Variants in KIRREL1 observed in about 807,000 individuals in gnomAD.
KIRREL1 encodes the protein kin of IRRE-like protein 1.
In KIRREL1, 25 loss-of-function variants were observed where a neutral mutation model predicts 83.3. The observed-to-expected ratio is 0.30, with a 90% CI of 0.22 to 0.42. KIRREL1 has a LOEUF of 0.42. Among genes scored for constraint, KIRREL1 ranks in the 10% least tolerant of loss-of-function variants. The probability of loss-of-function intolerance (pLI) is 1.00; values close to 1 mark genes in which losing one functional copy is unlikely to be tolerated. For synonymous variants in KIRREL1, 388 were observed against 410.4 expected, an observed-to-expected ratio of 0.95 and a Z score of 0.66; for missense variants, 812 against 1,032.3, an observed-to-expected ratio of 0.79 and a Z score of 2.92.
chr1:158,056,332 G>T (rs1362429700), intron 1 of KIRREL1, among the ~76,000 whole-genome samples: 1 of 152,154 alleles, frequency 6.6e-6, no homozygotes, highest in Non-Finnish European at 1.5e-5. Flanking sequence ...GTCTCCCAAG[G>T]ACTTGCCTTT....
intron 1 of KIRREL1, among the ~76,000 whole-genome samples, chr1:157,996,442 G>C (rs1030696973): frequency 6.6e-6 from 1 of 152,048 alleles, no homozygotes; most frequent in African/African-American, 2.4e-5. Flanking sequence ...GCTCGGGGAG[G>C]GAGCTGCCTC....
chr1:158,067,536 G>A (rs755981257), intron 1 of KIRREL1, among the ~76,000 whole-genome samples: 1 of 152,216 alleles, frequency 6.6e-6, no homozygotes, highest in Non-Finnish European at 1.5e-5. Flanking sequence ...TGCAGTCTGA[G>A]GACATTAGAG....
At chr1:158,052,824 T>G (rs4971187) in intron 1 of KIRREL1, among the ~76,000 whole-genome samples, 90,466 of 151,880 alleles carry the variant, frequency 0.6, 29,056 homozygotes, top group East Asian at 0.84. Context: ...CTCACGGTTC[T>G]GCAGGCACCA....
At position 158,094,927 on chromosome 1, in the gene KIRREL1, C is replaced by A. The variant is rs752760321; in HGVS notation, c.2081C>A (p.Pro694His). 6.2e-7 allele frequency: 1 copy of A among 1,614,086 alleles called. No homozygotes were observed. The highest frequency in any genetic ancestry group is 8.5e-7 in the Non-Finnish European group (1 of 1,179,996). Residue 694 changes from proline (P) to histidine (H), a missense_variant, in exon 15 of 15, where the codon CCC becomes CAC. This residue lies in a region of KIRREL1 where 334 missense variants were observed against 383.7 expected (regional missense o/e 0.87). Coordinates refer to ENST00000359209, the MANE Select transcript of KIRREL1 (RefSeq NM_018240.7). This position sits in a 1 kb window ranked among gnomAD's most constrained non-coding sequence, Gnocchi z 4.6. ...AACTATGAGAAGTTCAACTCCCATCCCTTCCCTGGGGCAGCTGGGTACCCC... is the reference window on the plus strand; with the variant it reads ...AACTATGAGAAGTTCAACTCCCATCACTTCCCTGGGGCAGCTGGGTACCCC... ...YENYEKFNSH[P>H]FPGAAGYPTY... is the part of the protein sequence containing the mutation.
intron 1 of KIRREL1, among the ~76,000 whole-genome samples, chr1:158,044,499 CTTGT>C (rs766950752): frequency 2.6e-5 from 4 of 151,778 alleles, no homozygotes; most frequent in African/African-American, 7.3e-5. Flanking sequence ...TGTTTGTTTG[CTTGT>C]TTGTTTGTTT....
chr1:157,997,962 A>G (rs1571522531), intron 1 of KIRREL1, among the ~76,000 whole-genome samples: 1 of 151,830 alleles, frequency 6.6e-6, no homozygotes, highest in African/African-American at 2.4e-5. Flanking sequence ...GCTCACTGCA[A>G]CCTCCTCCTA....
chr1:158,069,997 G>T (rs535834100), intron 1 of KIRREL1, among the ~76,000 whole-genome samples: 1 of 152,170 alleles, frequency 6.6e-6, no homozygotes, highest in Admixed American at 6.5e-5. Context: ...GTTGACAGTC[G>T]TTCCAGCCTT....
At chr1:158,007,687 C>A (rs1443135908) in intron 1 of KIRREL1, among the ~76,000 whole-genome samples, 5 of 151,942 alleles carry the variant, frequency 3.3e-5, no homozygotes, top group Non-Finnish European at 7.4e-5. Context: ...AGCTTGGAGC[C>A]TGCTTGTGGG....
intron 1 of KIRREL1, among the ~76,000 whole-genome samples, chr1:157,996,090 G>A (rs1451926673): frequency 6.6e-6 from 1 of 151,266 alleles, no homozygotes; most frequent in African/African-American, 2.4e-5. Context: ...GAATAGGGAT[G>A]GGGGAGTAGG....
chr1:158,004,133 C>T (rs1659449220), intron 1 of KIRREL1, among the ~76,000 whole-genome samples: 1 of 152,150 alleles, frequency 6.6e-6, no homozygotes, highest in Non-Finnish European at 1.5e-5. Context: ...TCAGTTTTCT[C>T]ATCTATAAAA....
intron 1 of KIRREL1, among the ~76,000 whole-genome samples, chr1:158,050,547 A>T (rs192035708): frequency 6.6e-6 from 1 of 152,212 alleles, no homozygotes; most frequent in African/African-American, 2.4e-5. Flanking sequence ...GGATGGGGGA[A>T]TTAGAATGTG....
chr1:158,067,750 T>A (rs2101613985), intron 1 of KIRREL1, among the ~76,000 whole-genome samples: 1 of 152,340 alleles, frequency 6.6e-6, no homozygotes, highest in South Asian at 2.1e-4. Context: ...CTGATCCCGC[T>A]TGCATTTTTC....
At chr1:158,060,129 G>A (rs574718860) in intron 1 of KIRREL1, among the ~76,000 whole-genome samples, 4 of 152,240 alleles carry the variant, frequency 2.6e-5, no homozygotes, top group Admixed American at 2.0e-4. Context: ...TAATGACAGC[G>A]ACCATCTGCC....
intron 1 of KIRREL1, among the ~76,000 whole-genome samples, chr1:158,049,632 A>T (rs1011417567): frequency 6.6e-6 from 1 of 151,552 alleles, no homozygotes; most frequent in African/African-American, 2.4e-5. Context: ...TTTGTTGGGA[A>T]TGGACTTAAG....
chr1:158,092,094 A>T (rs1352738794), intron 11 of KIRREL1, among the ~76,000 whole-genome samples: 3 of 152,210 alleles, frequency 2.0e-5, no homozygotes, highest in African/African-American at 7.2e-5. Flanking sequence ...CCTGGCATAC[A>T]ATAGGTGTTC....
chr1:158,088,503 G>C, intron 8 of KIRREL1, 49 bp downstream of exon 8: 1 of 776,960 alleles, frequency 1.3e-6, no homozygotes, highest in Non-Finnish European at 1.7e-6. Context: ...TTTTTTTTTT[G>C]AGACGGAGTC....
chr1:158,024,303 G>C (rs554828231), intron 1 of KIRREL1, among the ~76,000 whole-genome samples: 2 of 102,024 alleles, frequency 2.0e-5, no homozygotes, highest in Non-Finnish European at 3.6e-5. Context: ...TTTTGAGACA[G>C]AGTATTGCTC....
Position 158,093,603 on chromosome 1 carries a change from G to C in KIRREL1, c.1580-20G>C, listed in dbSNP as rs1028647418. On this transcript the variant is annotated intron_variant, in intron 12 of 14. Coordinates refer to ENST00000359209, the MANE Select transcript of KIRREL1 (RefSeq NM_018240.7). ...AGACCAGCAGGAAGCACTTGTTCCA[G>C]GCTGCCTCTCCCGTCCCAGGTCGCA... is the stretch of plus-strand genomic sequence containing the variant. 1 of 1,614,008 alleles carries C rather than the reference G, an allele frequency of 6.2e-7. No individual in the cohort carries two copies. Among genetic ancestry groups the C allele is most frequent in the Non-Finnish European group, 8.5e-7 (1 of 1,179,938 alleles).
intron 1 of KIRREL1, among the ~76,000 whole-genome samples, chr1:158,048,189 A>G (rs1482180003): frequency 6.6e-6 from 1 of 152,220 alleles, no homozygotes; most frequent in Non-Finnish European, 1.5e-5. Flanking sequence ...GGAGTTGGAT[A>G]TCTAAACACT....
Sources: gnomAD v4.1 joint callset for allele counts (sites outside exome capture counted in the v4.1 genomes callset) on GRCh38, gnomAD v4.1.1 for gene constraint, gnomAD v4.1.1 regional missense constraint, Gnocchi (gnomAD v3.1) non-coding constraint, MANE v1.5 for transcripts, NCBI Gene and HGNC (gene_info 2026-07-23, HGNC 2026-07-21) for gene names.